NOL11: variants seen among roughly 807,000 people sequenced by gnomAD.
NOL11 encodes the protein nucleolar protein 11.
NOL11 carries 42 observed loss-of-function variants against 93.0 expected under a neutral mutation model. That is an observed-to-expected ratio of 0.45 (90% confidence interval 0.35 to 0.58). The LOEUF (loss-of-function observed/expected upper bound fraction) is 0.58. Ranked by LOEUF, NOL11 falls within the 20% of genes least tolerant of loss-of-function variation. The pLI, the probability that NOL11 is intolerant of heterozygous loss-of-function variation, is 0.00. For missense variants in NOL11, 775 were observed against 841.8 expected, an observed-to-expected ratio of 0.92 and a Z score of 0.98; for synonymous variants, 296 against 293.7, an observed-to-expected ratio of 1.01 and a Z score of -0.08.
chr17:67,723,742 A>AT (rs2055059119), intron 5 of NOL11, among the ~76,000 whole-genome samples: 1 of 141,714 alleles, frequency 7.1e-6, no homozygotes, highest in South Asian at 2.3e-4. Flanking sequence ...CCTCATCTCT[A>AT]TTAAAAAAAA....
chr17:67,718,163 T>A, intron 1 of NOL11, 75 bp downstream of exon 1: 1 of 1,565,220 alleles, frequency 6.4e-7, no homozygotes, highest in Non-Finnish European at 8.7e-7. Context: ...AGCTCAAGTT[T>A]CTCACAGCTT....
chr17:67,719,461 A>T, intron 1 of NOL11: 1 of 339,886 alleles, frequency 2.9e-6, no homozygotes, highest in Non-Finnish European at 5.4e-6. Flanking sequence ...GGGTTTCACC[A>T]TGTTGGTCAA....
chr17:67,722,890 G>C (rs573788276), intron 5 of NOL11, among the ~76,000 whole-genome samples: 2 of 151,934 alleles, frequency 1.3e-5, no homozygotes, highest in East Asian at 3.9e-4. Context: ...GGGTCTCACT[G>C]TATTGCTCAG....
rs563756333 is a variant in NOL11 at position 67,719,779 on chromosome 17, G to A, written c.247G>A (p.Asp83Asn). ...FQTGEYVVVH[D>N]NKVLRIWNNE... ...AACTGGAGAGTATGTTGTTGTACAC[G>A]ATAATAAGGTGAGTTTTAAAACTTT... The change falls in exon 2 of 18, where the codon GAT becomes AAT. Residue 83 changes from aspartate (D) to asparagine (N), a missense_variant. Transcript: ENST00000253247. 75 of 1,591,574 alleles carry A rather than the reference G, an allele frequency of 4.7e-5. No individual in the cohort carries two copies. Among genetic ancestry groups the A allele is most frequent in the South Asian group, 3.4e-4 (30 of 88,344 alleles).
Position 67,722,596 on chromosome 17 carries a change from G to A in NOL11, c.478G>A (p.Val160Ile), listed in dbSNP as rs560574115. 34 of 1,570,132 alleles carry A rather than the reference G, an allele frequency of 2.2e-5. No homozygotes were observed. The East Asian group carries it at 3.6e-4, about 16-fold the overall frequency. Reference sequence around the variant, plus strand: ...TTTTTGTAGATGGACAAAGTTTTTCGTAGTATTCAGACATCCTGTTTTAAT... The same window carrying A: ...TTTTTGTAGATGGACAAAGTTTTTCATAGTATTCAGACATCCTGTTTTAAT... ...EEVIKWTKFFVVFRHPVLIFI... is the reference protein window; with the variant it reads ...EEVIKWTKFFIVFRHPVLIFI... Residue 160 changes from valine (V) to isoleucine (I), a missense_variant, in exon 5 of 18, where the codon GTA becomes ATA. This residue lies in a region of NOL11 where 359 missense variants were observed against 316.5 expected (regional missense o/e 1.13). Coordinates refer to ENST00000253247, the MANE Select transcript of NOL11 (RefSeq NM_015462.5).
chr17:67,738,094 A>G (rs2055219664), intron 13 of NOL11, 28 bp from the exon 14 acceptor site: 2 of 1,576,866 alleles, frequency 1.3e-6, no homozygotes, highest in Non-Finnish European at 1.7e-6. Flanking sequence ...GATAAGGATT[A>G]ACCTCTTGCT....
At position 67,738,997 on chromosome 17, in the gene NOL11, C is replaced by T. The variant is rs369079761; in HGVS notation, c.1829C>T (p.Ala610Val). ...FLLPHLKDIP[A>V]QHITLFLKYL... ...CTGCCTCATTTGAAAGACATCCCAG[C>T]ACAGCATATCACGGTAAGTGTTCAT... The change falls in exon 15 of 18, where the codon GCA becomes GTA. Residue 610 changes from alanine (A) to valine (V), a missense_variant. By Grantham distance (64) the Ala-to-Val change is moderately conservative (BLOSUM62 0). Transcript: ENST00000253247. 1.9e-6 allele frequency: 3 copies of T among 1,607,584 alleles called. No homozygotes were observed. Among genetic ancestry groups the T allele is most frequent in the South Asian group, 2.2e-5 (2 of 90,818 alleles).
At chr17:67,732,681 C>A (rs2143118367) in intron 7 of NOL11, among the ~76,000 whole-genome samples, 1 of 151,548 alleles carries the variant, frequency 6.6e-6, no homozygotes, top group East Asian at 2.0e-4. Flanking sequence ...TCAAGCAGTT[C>A]TCCTGCCTCA....
intron 8 of NOL11, among the ~76,000 whole-genome samples, chr17:67,735,494 C>T (rs6504526): frequency 0.86 from 130,444 of 151,458 alleles, 56,259 homozygotes; most frequent in East Asian, 0.96. Context: ...GCTTTTTTTT[C>T]CACATACCTG....
At chr17:67,733,454 C>G (rs1273357511) in intron 7 of NOL11, among the ~76,000 whole-genome samples, 1 of 152,152 alleles carries the variant, frequency 6.6e-6, no homozygotes, top group Non-Finnish European at 1.5e-5. Flanking sequence ...GCCTCCATGT[C>G]TTGTTTCTCA....
intron 1 of NOL11, 66 bp downstream of exon 1, chr17:67,718,154 G>T: frequency 6.3e-7 from 1 of 1,581,170 alleles, no homozygotes. Context: ...CGGAGCTCGA[G>T]CTCAAGTTTC....
At chr17:67,727,785 G>A (rs1214072315) in intron 7 of NOL11, among the ~76,000 whole-genome samples, 5 of 151,964 alleles carry the variant, frequency 3.3e-5, no homozygotes, top group Admixed American at 2.0e-4. Flanking sequence ...CCAACATGGT[G>A]AAACTCCATG....
chr17:67,742,657 G>T (rs12943140), intron 16 of NOL11, among the ~76,000 whole-genome samples: 3 of 152,028 alleles, frequency 2.0e-5, no homozygotes, highest in African/African-American at 7.2e-5. Flanking sequence ...GATACATATA[G>T]AATTTAATCT....
In NOL11 at chr17:67,719,796, T is replaced by G. The variant is rs2043204189; in HGVS notation, c.255+9T>G. ...TTGTACACGATAATAAGGTGAGTTT[T>G]AAAACTTTTGTATAATATATACAAT... On this transcript the variant is annotated intron_variant, in intron 2 of 17. Coordinates refer to ENST00000253247, the MANE Select transcript of NOL11 (RefSeq NM_015462.5). 6.4e-7 allele frequency: 1 copy of G among 1,559,728 alleles called. No homozygotes were observed. The highest frequency in any genetic ancestry group is 1.7e-5 in the Admixed American group (1 of 57,486).
chr17:67,736,570 G>C, intron 9 of NOL11, 96 bp from the exon 10 acceptor site: 1 of 725,730 alleles, frequency 1.4e-6, no homozygotes, highest in Non-Finnish European at 2.3e-6. Context: ...CTCTTAAATT[G>C]TATGAGTGGT....
chr17:67,718,075 T>C lies in NOL11; in HGVS notation c.128T>C (p.Val43Ala). The C allele has an allele frequency of 6.2e-7, 1 of 1,614,198 alleles. No homozygotes were observed. The highest frequency in any genetic ancestry group is 1.7e-5 in the Admixed American group (1 of 60,016). ...CTAGTGACAGACAGCGGCAGGACAG[T>C]CATCCTCTATAAGGTGAAGGCAATA... Reference protein sequence around the residue: ...QFLVTDSGRTVILYKVSDQKP... With the variant: ...QFLVTDSGRTAILYKVSDQKP... Residue 43 changes from valine (V) to alanine (A), a missense_variant, in exon 1 of 18, where the codon GTC becomes GCC. Transcript: ENST00000253247.
At chr17:67,721,573 T>C in intron 4 of NOL11, 47 bp downstream of exon 4, 1 of 1,516,996 alleles carries the variant, frequency 6.6e-7, no homozygotes. Flanking sequence ...AAAAATGCAC[T>C]GAACATTTTT....
At chr17:67,738,071 C>T in intron 13 of NOL11, 51 bp from the exon 14 acceptor site, 1 of 1,547,932 alleles carries the variant, frequency 6.5e-7, no homozygotes. Flanking sequence ...GAAATTTTTC[C>T]CAAAAGCTTG....
rs2055063235 is a variant in NOL11 at position 67,724,086 on chromosome 17, C to G, written c.557C>G (p.Ser186Ter). 1 of 1,577,182 alleles carries G rather than the reference C, an allele frequency of 6.3e-7. No homozygotes were observed. Among genetic ancestry groups the G allele is most frequent in the Non-Finnish European group, 8.6e-7 (1 of 1,164,220 alleles). Residue 186 changes from serine (S) to a stop codon, truncating the protein, a stop_gained, in exon 6 of 18, where the codon TCA becomes TGA. Coordinates refer to ENST00000253247, the MANE Select transcript of NOL11 (RefSeq NM_015462.5). LOFTEE classifies it high-confidence loss of function. ...TTTGCTTACGTGCAAATGTTTAACTCACGTATCTTAACCAAATATACACTC... is the reference window on the plus strand; with the variant it reads ...TTTGCTTACGTGCAAATGTTTAACTGACGTATCTTAACCAAATATACACTC... ...NYFAYVQMFN[S>*]RILTKYTLLL...
Sources: allele counts gnomAD v4.1 joint callset (sites outside exome capture counted in the v4.1 genomes callset), GRCh38; gene constraint gnomAD v4.1.1; regional missense constraint gnomAD v4.1.1; transcripts MANE v1.5; gene names NCBI Gene and HGNC (gene_info 2026-07-23, HGNC 2026-07-21).